FOXI2: variants seen among roughly 807,000 people sequenced by gnomAD.
FOXI2 encodes forkhead box protein I2.
FOXI2 carries 17 observed loss-of-function variants against 14.3 expected under a neutral mutation model. The ratio of observed to expected loss-of-function variants is 1.19; its 90% CI spans 0.81 to 1.78. FOXI2 has a LOEUF of 1.78. FOXI2 is among the 40% of genes most tolerant of loss of function. The pLI, the probability that FOXI2 is intolerant of heterozygous loss-of-function variation, is 0.00. For missense variants in FOXI2, 541 were observed against 460.0 expected (o/e 1.18, Z -1.61); for synonymous variants, 240 against 218.8 (o/e 1.10, Z -0.85).
chr10:127,737,428 C>T lies in FOXI2; in HGVS notation c.155C>T (p.Ser52Phe). The change falls in exon 1 of 2, where the codon TCC becomes TTC. Residue 52 changes from serine (S) to phenylalanine (F), a missense_variant. By Grantham distance (155) the Ser-to-Phe change is radical. Transcript: ENST00000388920. ...WVNAPALSPK[S>F]YASGPGPAPP... ...AACGCGCCAGCGCTCAGCCCCAAGTCCTACGCTTCGGGTCCCGGGCCTGCG... is the reference window on the plus strand; with the variant it reads ...AACGCGCCAGCGCTCAGCCCCAAGTTCTACGCTTCGGGTCCCGGGCCTGCG... The T allele has an allele frequency of 7.3e-7, 1 of 1,368,934 alleles. No individual in the cohort carries two copies. Among genetic ancestry groups the T allele is most frequent in the Non-Finnish European group, 9.3e-7 (1 of 1,072,728 alleles). The allele number at this position is 1,368,934 out of a possible 1,614,324, so 84.8% of individuals were successfully genotyped here.
In FOXI2 at chr10:127,740,160, C is replaced by CAT; in HGVS notation, c.*1196_*1197insTA. The CAT allele has an allele frequency of 6.9e-6, 1 of 145,918 alleles. No individual in the cohort carries two copies. The highest frequency in any genetic ancestry group is 1.5e-5 in the Non-Finnish European group (1 of 66,212). The allele number at this position is 145,918 out of a possible 1,614,324, so 9.0% of individuals were successfully genotyped here. On this transcript the variant is annotated 3_prime_UTR_variant, in exon 2 of 2. Transcript: ENST00000388920. ...CCACACTCATACTCACACCCACACC[C>CAT]ACACTCATACTCACACACCCACACC...
In FOXI2 at chr10:127,737,399, G is replaced by A; in HGVS notation, c.126G>A (p.Trp42Ter). ...CGGTGGGCGGGGGCCCCCTCCTGTG[G>A]GTGAACGCGCCAGCGCTCAGCCCCA... ...LGAVGGGPLL[W>*]VNAPALSPKS... is the part of the protein sequence containing the mutation. Residue 42 changes from tryptophan (W) to a stop codon, truncating the protein, a stop_gained, in exon 1 of 2, where the codon TGG (tryptophan) becomes TGA (stop). Transcript: ENST00000388920. LOFTEE classifies it high-confidence loss of function. The A allele has an allele frequency of 1.4e-6, 2 of 1,389,488 alleles. No homozygotes were observed. The highest frequency in any genetic ancestry group is 2.6e-4 in the Middle Eastern group (1 of 3,808). 86.1% of individuals were successfully genotyped at this position (1,389,488 alleles called of 1,614,324 possible).
Position 127,737,190 on chromosome 10 carries a change from C to A in FOXI2, c.-84C>A. 2.2e-6 allele frequency: 3 copies of A among 1,389,686 alleles called. No homozygotes were observed. The highest frequency in any genetic ancestry group is 2.8e-6 in the Non-Finnish European group (3 of 1,064,610). The allele number at this position is 1,389,686 out of a possible 1,614,324, so 86.1% of individuals were successfully genotyped here. A position where few individuals can be genotyped will look rare whatever the true frequency, so the allele number is the denominator to read the frequency against. ...AGGGCTGGGCCGGGCTGGTCGCACC[C>A]GGGCGCTGCTGGCGGCCAAGCTGGA... On this transcript the variant is annotated 5_prime_UTR_variant, in exon 1 of 2. Coordinates refer to ENST00000388920, the MANE Select transcript of FOXI2 (RefSeq NM_207426.3).
chr10:127,737,624 C>G lies in FOXI2; in HGVS notation c.351C>G (p.Ser117Arg). 4 of 1,563,974 alleles carry G rather than the reference C, an allele frequency of 2.6e-6. No homozygotes were observed. In the South Asian group the frequency reaches 3.5e-5, roughly 14 times the overall value. The change falls in exon 1 of 2, where the codon AGC (serine) becomes AGG (arginine). Residue 117 changes from serine to arginine, a missense_variant. Ser to Arg is a moderately radical substitution (Grantham distance 110, BLOSUM62 -1). Transcript: ENST00000388920. ...YSALIAMAIQ[S>R]APLRKLTLSQ... ...CGCTCATCGCCATGGCCATCCAGAGCGCGCCGCTGCGGAAGCTGACGCTCA... is the reference window on the plus strand; with the variant it reads ...CGCTCATCGCCATGGCCATCCAGAGGGCGCCGCTGCGGAAGCTGACGCTCA...
chr10:127,740,165 T>G lies in FOXI2; in HGVS notation c.*1200T>G, dbSNP rs1302938895. On this transcript the variant is annotated 3_prime_UTR_variant, in exon 2 of 2. Transcript: ENST00000388920. The stretch of plus-strand genomic sequence containing the variant: ...CTCATACTCACACCCACACCCACAC[T>G]CATACTCACACACCCACACCCACAC... 1.2e-5 allele frequency: 1 copy of G among 80,210 alleles called. No individual in the cohort carries two copies. The highest frequency in any genetic ancestry group is 2.5e-5 in the Non-Finnish European group (1 of 39,862). 5.0% of individuals were successfully genotyped at this position (80,210 alleles called of 1,614,324 possible). A position where few individuals can be genotyped will look rare whatever the true frequency, so the allele number is the denominator to read the frequency against.
Position 127,738,554 on chromosome 10 carries a change from C to T in FOXI2, c.546C>T (p.Cys182=), listed in dbSNP as rs1305050152. The change falls in exon 2 of 2, where the codon TGC becomes TGT. Residue 182 remains cysteine, a synonymous_variant. Coordinates refer to ENST00000388920, the MANE Select transcript of FOXI2 (RefSeq NM_207426.3). ...ATTACTGGACCCTGGACCCCAACTG[C>T]GAGAAGATGTTTGACAACGGGAACT... ...KGNYWTLDPN[C]EKMFDNGNFR... is the part of the protein sequence containing the mutation. The T allele has an allele frequency of 2.5e-6, 4 of 1,612,926 alleles. No homozygotes were observed. The African/African-American group carries it at 5.3e-5, about 22-fold the overall frequency.
rs1343987375 is a variant in FOXI2, at chr10:127,737,665, A to G, written c.392A>G (p.Tyr131Cys). Residue 131 changes from tyrosine (Y) to cysteine (C), a missense_variant, in exon 1 of 2, where the codon TAC becomes TGC. Tyr to Cys is a radical substitution (Grantham distance 194, BLOSUM62 -2). Transcript: ENST00000388920. ...RKLTLSQIYQ[Y>C]VAGNFPFYKR... ...CTGACGCTCAGCCAGATCTACCAGT[A>G]CGTGGCTGGTAACTTCCCTTTCTAC... The G allele has an allele frequency of 6.3e-7, 1 of 1,593,278 alleles. No homozygotes were observed. The highest frequency in any genetic ancestry group is 8.5e-7 in the Non-Finnish European group (1 of 1,170,178).
Position 127,738,912 on chromosome 10 carries a change from G to C in FOXI2, c.904G>C (p.Ala302Pro), listed in dbSNP as rs769380878. Residue 302 changes from alanine to proline, a missense_variant, in exon 2 of 2, where the codon GCC becomes CCC. Coordinates refer to ENST00000388920, the MANE Select transcript of FOXI2 (RefSeq NM_207426.3). The part of the protein sequence containing the change: ...GFAPGHQTAA[A>P]GFRLSHLLYS... Reference sequence around the variant, plus strand: ...CGCCCCTGGCCACCAGACCGCGGCCGCCGGCTTCCGCCTCAGTCACCTCCT... The same window carrying C: ...CGCCCCTGGCCACCAGACCGCGGCCCCCGGCTTCCGCCTCAGTCACCTCCT... 1 of 1,602,968 alleles carries C rather than the reference G, an allele frequency of 6.2e-7. No homozygotes were observed.
chr10:127,737,239 C>T lies in FOXI2; in HGVS notation c.-35C>T, dbSNP rs979564555. 8 of 1,467,876 alleles carry T rather than the reference C, an allele frequency of 5.5e-6. No individual in the cohort carries two copies. The highest frequency in any genetic ancestry group is 7.1e-6 in the Non-Finnish European group (8 of 1,120,384). The allele number at this position is 1,467,876 out of a possible 1,614,324, so 90.9% of individuals were successfully genotyped here. A position where few individuals can be genotyped will look rare whatever the true frequency, so the allele number is the denominator to read the frequency against. ...GATGGGTCGCCAGTGAGTTTCGGTG[C>T]GGCACCGCTGGCCCAGGCCCGGGCG... On this transcript the variant is annotated 5_prime_UTR_variant, in exon 1 of 2. Transcript: ENST00000388920.
chr10:127,740,125 C>CACACTCA lies in FOXI2; in HGVS notation c.*1160_*1161insACACTCA, dbSNP rs1206223886. 1.8e-5 allele frequency: 1 copy of CACACTCA among 55,246 alleles called. No individual in the cohort carries two copies. The highest frequency in any genetic ancestry group is 5.1e-5 in the African/African-American group (1 of 19,522). 3.4% of individuals were successfully genotyped at this position (55,246 alleles called of 1,614,324 possible). On this transcript the variant is annotated 3_prime_UTR_variant, in exon 2 of 2. Coordinates refer to ENST00000388920, the MANE Select transcript of FOXI2 (RefSeq NM_207426.3). ...ACCCACACTCACACCACACTCACAC[C>CACACTCA]CACACACACCCACACTCATACTCAC...
In FOXI2 at chr10:127,737,351, C is replaced by T; in HGVS notation, c.78C>T (p.Gly26=). The T allele has an allele frequency of 7.0e-7, 1 of 1,424,630 alleles. No homozygotes were observed. Among genetic ancestry groups the T allele is most frequent in the Non-Finnish European group, 9.1e-7 (1 of 1,104,452 alleles). The allele number at this position is 1,424,630 out of a possible 1,614,324, so 88.2% of individuals were successfully genotyped here. The change falls in exon 1 of 2, where the codon GGC becomes GGT. Residue 26 remains glycine, a synonymous_variant. Coordinates refer to ENST00000388920, the MANE Select transcript of FOXI2 (RefSeq NM_207426.3). ...GQAQATAHPP[G]YEPGDLGAVG... is the part of the protein sequence containing the mutation. ...CCCAGGCCACCGCGCACCCCCCGGGCTATGAGCCAGGGGATCTGGGCGCGG... is the reference window on the plus strand; with the variant it reads ...CCCAGGCCACCGCGCACCCCCCGGGTTATGAGCCAGGGGATCTGGGCGCGG...
Position 127,737,384 on chromosome 10 carries a change from G to C in FOXI2, c.111G>C (p.Gly37=). 7.2e-7 allele frequency: 1 copy of C among 1,396,614 alleles called. No homozygotes were observed. The highest frequency in any genetic ancestry group is 9.2e-7 in the Non-Finnish European group (1 of 1,089,746). The allele number at this position is 1,396,614 out of a possible 1,614,324, so 86.5% of individuals were successfully genotyped here. ...YEPGDLGAVG[G]GPLLWVNAPA... is the part of the protein sequence containing the mutation. ...CAGGGGATCTGGGCGCGGTGGGCGG[G>C]GGCCCCCTCCTGTGGGTGAACGCGC... Residue 37 remains glycine, a synonymous_variant, in exon 1 of 2, where the codon GGG becomes GGC. Transcript: ENST00000388920.
chr10:127,738,455 G>C, intron 1 of FOXI2, 65 bp from the exon 2 acceptor site: 1 of 1,318,696 alleles, frequency 7.6e-7, no homozygotes, highest in Non-Finnish European at 1.1e-6. Flanking sequence ...TGACCTCCTC[G>C]CTGGCTCACA....
rs1055610424 is a variant in FOXI2, at chr10:127,741,074, A to C, written c.*2109A>C. ...GACACTCCCCATAAGCAATACAATT[A>C]AAGAAGACCAGGAAAGGAAAATAAA... On this transcript the variant is annotated 3_prime_UTR_variant, in exon 2 of 2. Transcript: ENST00000388920. 6.6e-6 allele frequency: 1 copy of C among 152,228 alleles called. No individual in the cohort carries two copies. Among genetic ancestry groups the C allele is most frequent in the Non-Finnish European group, 1.5e-5 (1 of 68,038 alleles). The allele number at this position is 152,228 out of a possible 1,614,324, so 9.4% of individuals were successfully genotyped here. A position where few individuals can be genotyped will look rare whatever the true frequency, so the allele number is the denominator to read the frequency against.
In FOXI2 at chr10:127,737,225, A is replaced by C; in HGVS notation, c.-49A>C. ...TGGCGGCCAAGCTGGATGGGTCGCC[A>C]GTGAGTTTCGGTGCGGCACCGCTGG... On this transcript the variant is annotated 5_prime_UTR_variant, in exon 1 of 2. Coordinates refer to ENST00000388920, the MANE Select transcript of FOXI2 (RefSeq NM_207426.3). 1 of 1,460,370 alleles carries C rather than the reference A, an allele frequency of 6.8e-7. No individual in the cohort carries two copies. The highest frequency in any genetic ancestry group is 8.9e-7 in the Non-Finnish European group (1 of 1,117,740). The allele number at this position is 1,460,370 out of a possible 1,614,324, so 90.5% of individuals were successfully genotyped here.
At position 127,737,924 on chromosome 10, in the gene FOXI2, G is replaced by C. The variant is rs575813186; in HGVS notation, c.511+140G>C. On this transcript the variant is annotated intron_variant, in intron 1 of 1. Coordinates refer to ENST00000388920, the MANE Select transcript of FOXI2 (RefSeq NM_207426.3). ...GGATACCCGGGGAGGAGGGAGAAGGGGAAGAAGTGCTTGGGCATGGACAGG... is the reference window on the plus strand; with the variant it reads ...GGATACCCGGGGAGGAGGGAGAAGGCGAAGAAGTGCTTGGGCATGGACAGG... 6 of 1,341,748 alleles carry C rather than the reference G, an allele frequency of 4.5e-6. No individual in the cohort carries two copies. In the Admixed American group the frequency reaches 1.5e-4, roughly 33 times the overall value. 83.1% of individuals were successfully genotyped at this position (1,341,748 alleles called of 1,614,324 possible).
Position 127,739,881 on chromosome 10 carries a change from C to CCACACT in FOXI2, c.*921_*922insTCACAC, listed in dbSNP as rs1846481744. 2 of 66,822 alleles carry CCACACT rather than the reference C, an allele frequency of 3.0e-5. No homozygotes were observed. The highest frequency in any genetic ancestry group is 3.0e-5 in the Non-Finnish European group (1 of 33,422). 4.1% of individuals were successfully genotyped at this position (66,822 alleles called of 1,614,324 possible). On this transcript the variant is annotated 3_prime_UTR_variant, in exon 2 of 2. Transcript: ENST00000388920. ...CCCACACTCACACCCACACTCACAC[C>CCACACT]CACACCCACACCCACACTCACACAC...
chr10:127,737,489 C>T lies in FOXI2; in HGVS notation c.216C>T (p.Gly72=). The T allele has an allele frequency of 7.2e-7, 1 of 1,395,696 alleles. No homozygotes were observed. The highest frequency in any genetic ancestry group is 1.5e-5 in the African/African-American group (1 of 65,440). The allele number at this position is 1,395,696 out of a possible 1,614,324, so 86.5% of individuals were successfully genotyped here. A position where few individuals can be genotyped will look rare whatever the true frequency, so the allele number is the denominator to read the frequency against. The change falls in exon 1 of 2, where the codon GGC becomes GGT. Residue 72 remains glycine (G), a synonymous_variant. Transcript: ENST00000388920. Reference sequence around the variant, plus strand: ...CGGCCCCGAGCTACGGGGCTCCCGGCCCGCTCCTCGGCGCCCCGGGCGGCC... The same window carrying T: ...CGGCCCCGAGCTACGGGGCTCCCGGTCCGCTCCTCGGCGCCCCGGGCGGCC... ...PYAAPSYGAP[G]PLLGAPGGLA...
Position 127,738,904 on chromosome 10 carries a change from C to A in FOXI2, c.896C>A (p.Thr299Asn). ...CCTGGCTTCGCCCCTGGCCACCAGA[C>A]CGCGGCCGCCGGCTTCCGCCTCAGT... ...PSPGFAPGHQTAAAGFRLSHL... is the reference protein window; with the variant it reads ...PSPGFAPGHQNAAAGFRLSHL... Residue 299 changes from threonine to asparagine, a missense_variant, in exon 2 of 2, where the codon ACC becomes AAC. Physicochemically the swap from Thr to Asn is moderately conservative, Grantham distance 65 (BLOSUM62 0). Transcript: ENST00000388920. 1 of 1,604,226 alleles carries A rather than the reference C, an allele frequency of 6.2e-7. No homozygotes were observed. Among genetic ancestry groups the A allele is most frequent in the South Asian group, 1.1e-5 (1 of 90,826 alleles).
Sources: gnomAD v4.1 joint callset for allele counts on GRCh38, gnomAD v4.1.1 for gene constraint, MANE v1.5 for transcripts, NCBI Gene and HGNC (gene_info 2026-07-23, HGNC 2026-07-21) for gene names.